KCNMB2: variants seen among roughly 807,000 people sequenced by gnomAD.
The protein encoded by KCNMB2 is calcium-activated potassium channel subunit beta-2.
In KCNMB2, 9 loss-of-function variants were observed where a neutral mutation model predicts 24.5. The observed-to-expected ratio is 0.37, with a 90% CI of 0.22 to 0.64. The LOEUF is 0.64. KCNMB2 is among the 30% of genes least tolerant of loss of function. The pLI is 0.63. For synonymous variants in KCNMB2, 109 were observed against 104.4 expected (o/e 1.04, Z -0.27); for missense variants, 226 against 284.3 (o/e 0.79, Z 1.47).
At chr3:178,619,828 T>A (rs557787843) in intron 1 of KCNMB2, among the ~76,000 whole-genome samples, 27 of 152,288 alleles carry the variant, frequency 1.8e-4, no homozygotes, top group African/African-American at 6.0e-4. Flanking sequence ...GTGGGCAGAA[T>A]AATCTTTGTT....
intron 2 of KCNMB2, among the ~76,000 whole-genome samples, chr3:178,812,618 C>T (rs185230512): frequency 5.9e-5 from 9 of 152,134 alleles, no homozygotes; most frequent in African/African-American, 9.6e-5. Context: ...TTCACAATTA[C>T]GTATTTAATC....
intron 1 of KCNMB2, among the ~76,000 whole-genome samples, chr3:178,775,103 A>T (rs1712527136): frequency 6.6e-6 from 1 of 152,246 alleles, no homozygotes; most frequent in Non-Finnish European, 1.5e-5. Context: ...TCAAGGACAT[A>T]TTGTAGCATC....
At chr3:178,597,103 G>A (rs12634686) in intron 1 of KCNMB2, among the ~76,000 whole-genome samples, 1 of 152,124 alleles carries the variant, frequency 6.6e-6, no homozygotes, top group East Asian at 1.9e-4. Flanking sequence ...GTAATGCACA[G>A]TCTCGAGCTA....
intron 1 of KCNMB2, among the ~76,000 whole-genome samples, chr3:178,554,149 T>G (rs1283087555): frequency 6.6e-6 from 1 of 152,164 alleles, no homozygotes; most frequent in African/African-American, 2.4e-5. Flanking sequence ...AGAAAAGACC[T>G]TCAACTTCTT....
chr3:178,786,789 T>C (rs1713118194), intron 1 of KCNMB2, among the ~76,000 whole-genome samples: 1 of 151,122 alleles, frequency 6.6e-6, no homozygotes, highest in African/African-American at 2.4e-5. Flanking sequence ...TCTCATGTAA[T>C]ATGACTCACC....
intron 4 of KCNMB2, among the ~76,000 whole-genome samples, chr3:178,833,887 A>G (rs910743933): frequency 1.3e-5 from 2 of 152,090 alleles, no homozygotes; most frequent in African/African-American, 4.8e-5. Flanking sequence ...GGGCTCTGGG[A>G]GCTACAAGAG....
chr3:178,684,037 T>C (rs569074309), intron 1 of KCNMB2, among the ~76,000 whole-genome samples: 4 of 152,284 alleles, frequency 2.6e-5, no homozygotes, highest in African/African-American at 9.6e-5. Flanking sequence ...ATCACCACTT[T>C]GTATCTGCAC....
intron 1 of KCNMB2, among the ~76,000 whole-genome samples, chr3:178,563,102 C>T (rs1163470405): frequency 2.6e-5 from 4 of 152,154 alleles, no homozygotes; most frequent in Non-Finnish European, 4.4e-5. Flanking sequence ...ACTGAGTGAA[C>T]TGGGATCCTT....
intron 1 of KCNMB2, among the ~76,000 whole-genome samples, chr3:178,700,449 T>A (rs1291302628): frequency 6.6e-6 from 1 of 152,206 alleles, no homozygotes; most frequent in East Asian, 1.9e-4. Context: ...GTAAATTAAA[T>A]CCCTGGACCA....
chr3:178,761,156 C>A (rs1430046338), intron 1 of KCNMB2, among the ~76,000 whole-genome samples: 1 of 152,120 alleles, frequency 6.6e-6, no homozygotes, highest in Non-Finnish European at 1.5e-5. Context: ...ACTTTAACTT[C>A]ATTTAAAGAA....
intron 1 of KCNMB2, among the ~76,000 whole-genome samples, chr3:178,624,998 G>C (rs1289342932): frequency 6.6e-6 from 1 of 152,168 alleles, no homozygotes; most frequent in Non-Finnish European, 1.5e-5. Flanking sequence ...GCTGCCCAGG[G>C]GAAGGGGTAG....
chr3:178,582,362 G>A lies in KCNMB2; in HGVS notation c.-68+45651G>A, dbSNP rs368663998. 3.6e-3 allele frequency among the ~76,000 whole-genome samples: 548 copies of A among 152,248 alleles called. 3 individuals carry two copies. Among genetic ancestry groups the A allele is most frequent in the African/African-American group, 0.013 (523 of 41,550 alleles). On this transcript the variant is annotated intron_variant, in intron 1 of 4. Coordinates refer to ENST00000452583, the MANE Select transcript of KCNMB2 (RefSeq NM_181361.3). The stretch of plus-strand genomic sequence containing the variant: ...AACATCACACACCAGGGCCTGTGGC[G>A]GGGTGGGAGTTAGGGGAGGGATAGC...
At chr3:178,670,290 AG>A (rs1331383682) in intron 1 of KCNMB2, among the ~76,000 whole-genome samples, 1 of 152,142 alleles carries the variant, frequency 6.6e-6, no homozygotes, top group Non-Finnish European at 1.5e-5. Context: ...TAGGACATCT[AG>A]CAGCACCTCT....
At chr3:178,716,153 C>T (rs1247771171) in intron 1 of KCNMB2, among the ~76,000 whole-genome samples, 2 of 152,272 alleles carry the variant, frequency 1.3e-5, no homozygotes, top group Admixed American at 6.5e-5. Flanking sequence ...ATCACATACC[C>T]GCTAACAGTG....
chr3:178,624,351 A>G (rs1719029045), intron 1 of KCNMB2, among the ~76,000 whole-genome samples: 1 of 151,718 alleles, frequency 6.6e-6, no homozygotes, highest in Non-Finnish European at 1.5e-5. Context: ...TTGAAAATAC[A>G]CAAATTTGTT....
At chr3:178,619,462 A>C (rs141294594) in intron 1 of KCNMB2, among the ~76,000 whole-genome samples, 77 of 152,320 alleles carry the variant, frequency 5.1e-4, no homozygotes, top group Middle Eastern at 3.4e-3. Context: ...TTTACAGACT[A>C]TAAATACCAA....
intron 1 of KCNMB2, among the ~76,000 whole-genome samples, chr3:178,625,207 T>TG (rs1338138945): frequency 1.3e-5 from 2 of 151,898 alleles, no homozygotes; most frequent in Non-Finnish European, 2.9e-5. Flanking sequence ...AAGTGGGCCC[T>TG]GCCACCCAAG....
intron 1 of KCNMB2, among the ~76,000 whole-genome samples, chr3:178,602,668 C>T (rs1295690474): frequency 6.6e-6 from 1 of 151,912 alleles, no homozygotes. Flanking sequence ...GTACGAGGGT[C>T]CTGCAGCTGG....
At chr3:178,580,377 T>C (rs1717155017) in intron 1 of KCNMB2, among the ~76,000 whole-genome samples, 1 of 152,130 alleles carries the variant, frequency 6.6e-6, no homozygotes, top group Non-Finnish European at 1.5e-5. Flanking sequence ...ATCAAAATAA[T>C]AAGAGCTATT....
Sources: allele counts gnomAD v4.1 joint callset (sites outside exome capture counted in the v4.1 genomes callset), GRCh38; gene constraint gnomAD v4.1.1; transcripts MANE v1.5; gene names NCBI Gene and HGNC (gene_info 2026-07-23, HGNC 2026-07-21).